The following LRRTM4 variants were observed in gnomAD, a reference collection of about 807,000 sequenced individuals.
The protein encoded by LRRTM4 is leucine-rich repeat transmembrane neuronal protein 4.
A neutral mutation model predicts 47.6 loss-of-function variants in LRRTM4; 25 were observed. The observed-to-expected ratio is 0.53, with a 90% confidence interval of 0.38 to 0.73. The LOEUF (loss-of-function observed/expected upper bound fraction) is 0.73. Ranked by LOEUF, LRRTM4 falls within the 30% of genes least tolerant of loss-of-function variation. The probability of loss-of-function intolerance (pLI) is 0.00; values close to 1 mark genes in which losing one functional copy is unlikely to be tolerated. For synonymous variants in LRRTM4, 311 were observed against 269.5 expected (o/e 1.15, Z -1.51); for missense variants, 638 against 713.4 (o/e 0.89, Z 1.20).
intron 3 of LRRTM4, among the ~76,000 whole-genome samples, chr2:77,034,935 G>A (rs1013321456): frequency 2.0e-5 from 3 of 151,682 alleles, no homozygotes; most frequent in African/African-American, 4.8e-5. Context: ...TAAAACCCAG[G>A]ATAAAGGCAA....
chr2:76,947,382 G>C (rs533447388), intron 3 of LRRTM4, among the ~76,000 whole-genome samples: 1 of 151,918 alleles, frequency 6.6e-6, no homozygotes, highest in African/African-American at 2.4e-5. Flanking sequence ...AGACAGTAAA[G>C]TGGACATGCA....
intron 3 of LRRTM4, among the ~76,000 whole-genome samples, chr2:77,274,847 T>C (rs1676298853): frequency 6.6e-6 from 1 of 152,136 alleles, no homozygotes; most frequent in Non-Finnish European, 1.5e-5. Flanking sequence ...AAAAACCAGA[T>C]ATTTTGACAG....
Position 77,083,783 on chromosome 2 carries a change from C to CTTTTTTTTTTTTTTTTTTTTTT in LRRTM4, c.1552-334889_1552-334868dup, listed in dbSNP as rs386390525. The stretch of plus-strand genomic sequence containing the variant: ...ACTTCTCAATTTTTAACTGGACACA[C>CTTTTTTTTTTTTTTTTTTTTTT]TTTTTTTTTTTTTTTTTTTTTTTTT... On this transcript the variant is annotated intron_variant, in intron 3 of 3. Coordinates refer to ENST00000409884, the MANE Select transcript of LRRTM4 (RefSeq NM_001134745.3). Among the ~76,000 whole-genome samples, 11 of 52,346 alleles carry CTTTTTTTTTTTTTTTTTTTTTT rather than the reference C, an allele frequency of 2.1e-4. 3 individuals are homozygous for CTTTTTTTTTTTTTTTTTTTTTT. The highest frequency in any genetic ancestry group is 3.4e-4 in the Non-Finnish European group (8 of 23,550). 34.3% of individuals were successfully genotyped at this position (52,346 alleles called of 152,430 possible). A position where few individuals can be genotyped will look rare whatever the true frequency, so the allele number is the denominator to read the frequency against.
chr2:76,929,619 G>A (rs894003999), intron 3 of LRRTM4, among the ~76,000 whole-genome samples: 1 of 152,104 alleles, frequency 6.6e-6, no homozygotes, highest in African/African-American at 2.4e-5. Context: ...AAAAGTGAGA[G>A]AGTAGACATG....
intron 3 of LRRTM4, among the ~76,000 whole-genome samples, chr2:77,442,125 G>T (rs749934063): frequency 6.6e-6 from 1 of 152,086 alleles, no homozygotes; most frequent in African/African-American, 2.4e-5. Context: ...GAGGACTCTG[G>T]GTTGAAATCT....
intron 3 of LRRTM4, among the ~76,000 whole-genome samples, chr2:77,323,115 T>C (rs1258936281): frequency 1.3e-5 from 2 of 152,208 alleles, no homozygotes; most frequent in Middle Eastern, 3.4e-3. Flanking sequence ...CACCTGGCTC[T>C]GTGCTTCTAT....
In LRRTM4 at chr2:77,027,828, TTAACA is replaced by T. The variant is rs1678507345; in HGVS notation, c.1552-278917_1552-278913del. Among the ~76,000 whole-genome samples, 3 of 152,292 alleles carry T rather than the reference TTAACA, an allele frequency of 2.0e-5. No homozygotes were observed. The South Asian group carries it at 6.2e-4, about 32-fold the overall frequency. ...TTGTACAATTTATACCAGGTTGATT[TTAACA>T]TATTATATATTCAATATCCAAAAGA... is the stretch of plus-strand genomic sequence containing the variant. On this transcript the variant is annotated intron_variant, in intron 3 of 3. Transcript: ENST00000409884.
intron 3 of LRRTM4, among the ~76,000 whole-genome samples, chr2:77,389,806 C>T (rs879724145): frequency 1.3e-5 from 2 of 151,902 alleles, no homozygotes; most frequent in Non-Finnish European, 2.9e-5. Flanking sequence ...CTTTTTTCCT[C>T]CTTCCTTCCC....
At chr2:77,366,425 G>C (rs998069904) in intron 3 of LRRTM4, among the ~76,000 whole-genome samples, 6 of 151,694 alleles carry the variant, frequency 4.0e-5, no homozygotes, top group African/African-American at 1.5e-4. Context: ...TTCCTAAGTG[G>C]CCTCCTTTCC....
intron 3 of LRRTM4, among the ~76,000 whole-genome samples, chr2:77,371,087 G>A (rs1672640347): frequency 6.6e-6 from 1 of 151,700 alleles, no homozygotes; most frequent in Non-Finnish European, 1.5e-5. Flanking sequence ...ATAAGGGAAT[G>A]TTATTCATCC....
intron 3 of LRRTM4, among the ~76,000 whole-genome samples, chr2:77,137,712 G>T (rs1408147236): frequency 2.0e-5 from 3 of 152,120 alleles, no homozygotes; most frequent in Non-Finnish European, 2.9e-5. Context: ...CCATCAGTGT[G>T]CTGTATTCAG....
At chr2:77,186,889 ACTT>A (rs768279151) in intron 3 of LRRTM4, among the ~76,000 whole-genome samples, 63 of 152,274 alleles carry the variant, frequency 4.1e-4, no homozygotes, top group Non-Finnish European at 7.5e-4. Flanking sequence ...TCACACAGAA[ACTT>A]CTTGAAAAAT....
intron 3 of LRRTM4, among the ~76,000 whole-genome samples, chr2:77,379,109 T>C (rs997435744): frequency 1.3e-5 from 2 of 152,156 alleles, no homozygotes; most frequent in African/African-American, 4.8e-5. Flanking sequence ...TAGTGATATG[T>C]ATAATATATT....
At position 77,243,418 on chromosome 2, in the gene LRRTM4, AAAAAAATAAAAAAAAT is replaced by A. The variant is rs1242035178; in HGVS notation, c.1551+274884_1551+274899del. Among the ~76,000 whole-genome samples the A allele has an allele frequency of 2.2e-4, 8 of 36,816 alleles. 1 individual carries two copies. Among genetic ancestry groups the A allele is most frequent in the African/African-American group, 7.6e-4 (8 of 10,508 alleles). The allele number at this position is 36,816 out of a possible 152,430, so 24.2% of individuals were successfully genotyped here. On this transcript the variant is annotated intron_variant, in intron 3 of 3. Coordinates refer to ENST00000409884, the MANE Select transcript of LRRTM4 (RefSeq NM_001134745.3). Reference sequence around the variant, plus strand: ...AGAGCGAAACTCCGTCTCAAAATAAAAAAAAATAAAAAAAATAAAAAAAAAAGATAAATACTATCTG... The same window carrying A: ...AGAGCGAAACTCCGTCTCAAAATAAAAAAAAAAAAAGATAAATACTATCTG...
At chr2:76,938,205 A>C (rs1220503695) in intron 3 of LRRTM4, among the ~76,000 whole-genome samples, 2 of 152,064 alleles carry the variant, frequency 1.3e-5, no homozygotes, top group Admixed American at 1.3e-4. Context: ...CAATCCATCT[A>C]CTGCCAAGTA....
chr2:77,404,429 T>C (rs1674086268), intron 3 of LRRTM4, among the ~76,000 whole-genome samples: 1 of 152,094 alleles, frequency 6.6e-6, no homozygotes, highest in South Asian at 2.1e-4. Flanking sequence ...TTGTGATCTT[T>C]AATTTTTTTA....
intron 3 of LRRTM4, among the ~76,000 whole-genome samples, chr2:77,382,330 T>A (rs536331390): frequency 2.0e-5 from 3 of 152,248 alleles, no homozygotes; most frequent in African/African-American, 7.2e-5. Context: ...TTTAACCATA[T>A]AATTTCTCCC....
intron 3 of LRRTM4, among the ~76,000 whole-genome samples, chr2:77,461,350 C>T (rs1368674099): frequency 6.6e-6 from 1 of 152,086 alleles, no homozygotes; most frequent in East Asian, 1.9e-4. Context: ...TCAGTACTTG[C>T]CAGCAGCCCC....
At chr2:77,478,034 C>T (rs1308639006) in intron 3 of LRRTM4, among the ~76,000 whole-genome samples, 1 of 152,016 alleles carries the variant, frequency 6.6e-6, no homozygotes, top group Non-Finnish European at 1.5e-5. Flanking sequence ...GAGTCAGGCT[C>T]ATAGTTTTCC....
Sources: gnomAD v4.1 joint callset for allele counts (sites outside exome capture counted in the v4.1 genomes callset) on GRCh38, gnomAD v4.1.1 for gene constraint, MANE v1.5 for transcripts, NCBI Gene and HGNC (gene_info 2026-07-23, HGNC 2026-07-21) for gene names.